The following EIF4E3 variants were observed in gnomAD, a reference collection of about 807,000 sequenced individuals.
EIF4E3 encodes eukaryotic translation initiation factor 4E family member 3.
A neutral mutation model predicts 31.7 loss-of-function variants in EIF4E3; 26 were observed. That is an observed-to-expected ratio of 0.82 (90% CI 0.60 to 1.14). The LOEUF (loss-of-function observed/expected upper bound fraction) is 1.14, where lower values mean the gene tolerates loss of function less well. EIF4E3 is among the 50% of genes most tolerant of loss of function. The pLI is 0.00. For missense variants in EIF4E3, 304 were observed against 270.9 expected, an observed-to-expected ratio of 1.12 and a Z score of -0.86; for synonymous variants, 128 against 107.7, an observed-to-expected ratio of 1.19 and a Z score of -1.17.
At position 71,679,529 on chromosome 3, in the gene EIF4E3, T is replaced by C. The variant is rs969346410; in HGVS notation, c.*5153A>G. The C allele has an allele frequency of 2.0e-5, 3 of 152,176 alleles. No individual in the cohort carries two copies. The highest frequency in any genetic ancestry group is 1.9e-4 in the East Asian group (1 of 5,192). 9.4% of individuals were successfully genotyped at this position (152,176 alleles called of 1,614,324 possible). ...TTCTGAAGGACACAAAAGCATAGAA[T>C]ATCCAAAAGCTATTGTATTGGATAT... On this transcript the variant is annotated 3_prime_UTR_variant, in exon 7 of 7. Transcript: ENST00000425534.
At chr3:71,666,980 C>T in the EIF4E3 span, among the ~76,000 whole-genome samples, 4 of 151,960 alleles carry the variant, frequency 2.6e-5, no homozygotes, top group Admixed American at 6.6e-5. Context: ...ATATCCCTGA[C>T]GAACATCAAT....
In EIF4E3 at chr3:71,704,758, C is replaced by G. The variant is rs2049266572; in HGVS notation, c.250-5050G>C. Reference sequence around the variant, plus strand: ...GAAGGAGAAGAGGGTGGTCATTTTTCCCAAAAGAGATTTAAATTAGAAGAG... The same window carrying G: ...GAAGGAGAAGAGGGTGGTCATTTTTGCCAAAAGAGATTTAAATTAGAAGAG... On this transcript the variant is annotated intron_variant, in intron 2 of 6. Coordinates refer to ENST00000425534, the MANE Select transcript of EIF4E3 (RefSeq NM_001134651.2). Among the ~76,000 whole-genome samples the G allele has an allele frequency of 5.9e-5, 9 of 152,218 alleles. No individual in the cohort carries two copies. In the South Asian group the frequency reaches 1.9e-3, roughly 32 times the overall value.
intron 4 of EIF4E3, among the ~76,000 whole-genome samples, chr3:71,694,807 G>A (rs894241994): frequency 1.2e-4 from 18 of 152,124 alleles, no homozygotes; most frequent in African/African-American, 4.1e-4. Context: ...TAATAGGTCC[G>A]ACCTTCCAGG....
At chr3:71,747,385 A>G (rs2049885002) in intron 1 of EIF4E3, among the ~76,000 whole-genome samples, 1 of 152,260 alleles carries the variant, frequency 6.6e-6, no homozygotes, top group South Asian at 2.1e-4. Flanking sequence ...CTAATGATGC[A>G]AAGTATCTTT....
chr3:71,674,460 A>G (rs951494567), downstream of EIF4E3, among the ~76,000 whole-genome samples: 1 of 152,078 alleles, frequency 6.6e-6, no homozygotes, highest in Non-Finnish European at 1.5e-5. Context: ...AAATAATTGG[A>G]AAGTTCATTT....
chr3:71,693,363 G>A (rs777624460), intron 5 of EIF4E3, among the ~76,000 whole-genome samples: 13 of 152,126 alleles, frequency 8.5e-5, no homozygotes, highest in East Asian at 1.9e-4. Flanking sequence ...TGTCCCCACC[G>A]ACCACTCTAG....
chr3:71,693,123 T>C (rs1413168354), intron 5 of EIF4E3, among the ~76,000 whole-genome samples: 4 of 152,198 alleles, frequency 2.6e-5, no homozygotes. Context: ...GTATTCTAAA[T>C]GTTACTTCAG....
intron 2 of EIF4E3, among the ~76,000 whole-genome samples, chr3:71,700,148 T>C (rs2049195223): frequency 6.6e-6 from 1 of 152,104 alleles, no homozygotes; most frequent in African/African-American, 2.4e-5. Context: ...GTATTCCAAC[T>C]TGGGCAACAG....
At chr3:71,660,275 G>C in the EIF4E3 span, among the ~76,000 whole-genome samples, 1 of 152,110 alleles carries the variant, frequency 6.6e-6, no homozygotes, top group East Asian at 1.9e-4. Flanking sequence ...TGATGAGCAG[G>C]CTGCGGCTGC....
chr3:71,667,416 A>T, the EIF4E3 span, among the ~76,000 whole-genome samples: 1 of 152,224 alleles, frequency 6.6e-6, no homozygotes, highest in Non-Finnish European at 1.5e-5. Flanking sequence ...ATTAGGCAAG[A>T]GGAAGAAATA....
At position 71,682,691 on chromosome 3, in the gene EIF4E3, G is replaced by A. The variant is rs1042572947; in HGVS notation, c.*1991C>T. The A allele has an allele frequency of 6.6e-6, 1 of 152,618 alleles. No homozygotes were observed. The highest frequency in any genetic ancestry group is 1.5e-5 in the Non-Finnish European group (1 of 68,044). The allele number at this position is 152,618 out of a possible 1,614,324, so 9.5% of individuals were successfully genotyped here. A position where few individuals can be genotyped will look rare whatever the true frequency, so the allele number is the denominator to read the frequency against. Reference sequence around the variant, plus strand: ...AAAATCTACTTTGTGTGCTAGTCATGTTCCATGATCATAAACAGAAACTAG... The same window carrying A: ...AAAATCTACTTTGTGTGCTAGTCATATTCCATGATCATAAACAGAAACTAG... On this transcript the variant is annotated 3_prime_UTR_variant, in exon 7 of 7. Transcript: ENST00000425534.
chr3:71,713,343 C>A (rs1022015861), intron 1 of EIF4E3, among the ~76,000 whole-genome samples: 2 of 152,190 alleles, frequency 1.3e-5, no homozygotes, highest in Non-Finnish European at 2.9e-5. Context: ...CCCATTCAAG[C>A]CATATACACA....
downstream of EIF4E3, among the ~76,000 whole-genome samples, chr3:71,675,204 T>C (rs1048022413): frequency 1.3e-5 from 2 of 152,192 alleles, no homozygotes; most frequent in African/African-American, 4.8e-5. Context: ...CAGTAAGAAG[T>C]AGAAGAGGGA....
At chr3:71,747,141 G>A (rs1380801486) in intron 1 of EIF4E3, among the ~76,000 whole-genome samples, 2 of 152,160 alleles carry the variant, frequency 1.3e-5, no homozygotes, top group African/African-American at 4.8e-5. Context: ...TTGGGTAAAT[G>A]CCTAGGCGTG....
At chr3:71,699,471 C>G (rs1385211122) in intron 3 of EIF4E3, 143 bp downstream of exon 3, 1 of 746,736 alleles carries the variant, frequency 1.3e-6, no homozygotes, top group Non-Finnish European at 2.3e-6. Context: ...AGGACACTTA[C>G]CCCCAGACCC....
In EIF4E3 at chr3:71,680,391, A is replaced by C. The variant is rs911901414; in HGVS notation, c.*4291T>G. The C allele has an allele frequency of 1.3e-5, 2 of 152,184 alleles. No homozygotes were observed. Among genetic ancestry groups the C allele is most frequent in the Non-Finnish European group, 2.9e-5 (2 of 68,036 alleles). 9.4% of individuals were successfully genotyped at this position (152,184 alleles called of 1,614,324 possible). On this transcript the variant is annotated 3_prime_UTR_variant, in exon 7 of 7. Coordinates refer to ENST00000425534, the MANE Select transcript of EIF4E3 (RefSeq NM_001134651.2). Reference sequence around the variant, plus strand: ...TATCTGAGTGATTTTGCTGCATGCTAAGGGGTGAGAAGCACTGGTAGATGA... The same window carrying C: ...TATCTGAGTGATTTTGCTGCATGCTCAGGGGTGAGAAGCACTGGTAGATGA...
chr3:71,693,935 C>T lies in EIF4E3; in HGVS notation c.412G>A (p.Val138Ile), dbSNP rs1313262761. The change falls in exon 5 of 7, where the codon GTT becomes ATT. Residue 138 changes from valine to isoleucine, a missense_variant. Coordinates refer to ENST00000425534, the MANE Select transcript of EIF4E3 (RefSeq NM_001134651.2). ...MKVPKDSTST[V>I]WKELLLATIG... ...GTTGCTAACAGCAACTCTTTCCAAA[C>T]TGTGGACTGATATGGGAAAAGAATA... 6 of 1,580,914 alleles carry T rather than the reference C, an allele frequency of 3.8e-6. No homozygotes were observed. Among genetic ancestry groups the T allele is most frequent in the Non-Finnish European group, 5.2e-6 (6 of 1,163,308 alleles).
At chr3:71,706,507 T>C (rs1321400642) in intron 2 of EIF4E3, among the ~76,000 whole-genome samples, 4 of 152,106 alleles carry the variant, frequency 2.6e-5, no homozygotes, top group Non-Finnish European at 5.9e-5. Flanking sequence ...TTTTTAGTGC[T>C]AATGGAGTGA....
downstream of EIF4E3, among the ~76,000 whole-genome samples, chr3:71,672,997 A>G (rs1180083063): frequency 6.6e-6 from 1 of 152,192 alleles, no homozygotes; most frequent in Non-Finnish European, 1.5e-5. Flanking sequence ...TGAGAGAGCC[A>G]CGAGGGCTGA....
Sources: allele counts gnomAD v4.1 joint callset (sites outside exome capture counted in the v4.1 genomes callset), GRCh38; gene constraint gnomAD v4.1.1; transcripts MANE v1.5; gene names NCBI Gene and HGNC (gene_info 2026-07-23, HGNC 2026-07-21).